The following TNFRSF18 variants were observed in gnomAD, a reference collection of about 807,000 sequenced individuals.
TNFRSF18 encodes TNF receptor superfamily member 18.
TNFRSF18 carries 36 observed loss-of-function variants against 30.2 expected under a neutral mutation model. The ratio of observed to expected loss-of-function variants is 1.19; its 90% CI spans 0.91 to 1.58. The LOEUF (loss-of-function observed/expected upper bound fraction) is 1.58, where lower values mean the gene tolerates loss of function less well. Ranked by LOEUF, TNFRSF18 falls within the 40% of genes most tolerant of loss-of-function variation. TNFRSF18 has a pLI of 0.00. For synonymous variants in TNFRSF18, 173 were observed against 158.3 expected, an observed-to-expected ratio of 1.09 and a Z score of -0.70; for missense variants, 369 against 345.4, an observed-to-expected ratio of 1.07 and a Z score of -0.54.
Position 1,206,573 on chromosome 1 carries a change from C to T in TNFRSF18, c.-2G>A. 6.7e-7 allele frequency: 1 copy of T among 1,492,130 alleles called. No individual in the cohort carries two copies. The highest frequency in any genetic ancestry group is 8.9e-7 in the Non-Finnish European group (1 of 1,126,678). The allele number at this position is 1,492,130 out of a possible 1,614,324, so 92.4% of individuals were successfully genotyped here. ...GCCCATCGCCCCGTGCTGTGCCATG[C>T]TCGGGTTTCAAGAGCCCACAGCCAG... On this transcript the variant is annotated 5_prime_UTR_variant, in exon 1 of 5. Coordinates refer to ENST00000379268, the MANE Select transcript of TNFRSF18 (RefSeq NM_004195.3).
At chr1:1,204,357 C>A in intron 3 of TNFRSF18, 42 bp downstream of exon 3, 1 of 1,606,338 alleles carries the variant, frequency 6.2e-7, no homozygotes, top group Non-Finnish European at 8.5e-7. Context: ...TCAGAGTGGG[C>A]CTGGACCACC....
At chr1:1,205,591 C>T (rs780275169) in intron 1 of TNFRSF18, 99 bp from the exon 2 acceptor site, 2 of 1,357,170 alleles carry the variant, frequency 1.5e-6, no homozygotes, top group Non-Finnish European at 2.0e-6. Context: ...TGTCCGTTCT[C>T]CACCCACAGT....
intron 1 of TNFRSF18, among the ~76,000 whole-genome samples, chr1:1,206,023 CGGT>C (rs1244170188): frequency 1.3e-5 from 2 of 152,224 alleles, no homozygotes; most frequent in Non-Finnish European, 2.9e-5. Context: ...GCAGGCCAGA[CGGT>C]GGTGCAGGGG....
chr1:1,204,514 G>A, intron 2 of TNFRSF18, 28 bp from the exon 3 acceptor site: 2 of 650,950 alleles, frequency 3.1e-6, no homozygotes, highest in Admixed American at 3.7e-5. Flanking sequence ...GGGAGGGAGG[G>A]AGGGAGGCTG....
chr1:1,205,480 C>A lies in TNFRSF18; in HGVS notation c.200G>T (p.Cys67Phe). The A allele has an allele frequency of 6.2e-7, 1 of 1,612,128 alleles. No homozygotes were observed. The highest frequency in any genetic ancestry group is 8.5e-7 in the Non-Finnish European group (1 of 1,179,532). The change falls in exon 2 of 5, where the codon TGT becomes TTT. Residue 67 changes from cysteine to phenylalanine, a missense_variant. Coordinates refer to ENST00000379268, the MANE Select transcript of TNFRSF18 (RefSeq NM_004195.3). ...GACACACATGCAGTCCCACTCGGAA[C>A]AGCACTCCTCGCCTGGGCAGGAGAC... ...CCRDYPGEEC[C>F]SEWDCMCVQP...
rs1165308668 is a variant in TNFRSF18 at position 1,206,544 on chromosome 1, A to ACG, written c.26_27dup (p.Phe10ArgfsTer158). ...AGCGCCAGGCCGCACAGGGCCCGAAACGCGCCCATCGCCCCGTGCTGTGCC... is the reference window on the plus strand; with the variant it reads ...AGCGCCAGGCCGCACAGGGCCCGAAACGCGCGCCCATCGCCCCGTGCTGTGCC... On this transcript the variant is annotated frameshift_variant, in exon 1 of 5. Coordinates refer to ENST00000379268, the MANE Select transcript of TNFRSF18 (RefSeq NM_004195.3). LOFTEE classifies it high-confidence loss of function. 1 of 1,521,982 alleles carries ACG rather than the reference A, an allele frequency of 6.6e-7. No individual in the cohort carries two copies. The highest frequency in any genetic ancestry group is 8.8e-7 in the Non-Finnish European group (1 of 1,138,146). 94.3% of individuals were successfully genotyped at this position (1,521,982 alleles called of 1,614,324 possible).
In TNFRSF18 at chr1:1,206,457, G is replaced by GGCGCCCAGGGCC; in HGVS notation, c.103_114dup (p.Gly35_Arg38dup). 6.5e-7 allele frequency: 1 copy of GGCGCCCAGGGCC among 1,546,998 alleles called. No individual in the cohort carries two copies. On this transcript the variant is annotated inframe_insertion, in exon 1 of 5. Transcript: ENST00000379268. ...GCGTCCGTTCCCGTCCCAAGCAGGA[G>GGCGCCCAGGGCC]GCGCCCAGGGCCGCACCCGGGACCC...
intron 1 of TNFRSF18, 30 bp downstream of exon 1, chr1:1,206,355 G>T (rs758454767): frequency 3.9e-6 from 6 of 1,542,524 alleles, no homozygotes; most frequent in South Asian, 1.2e-5. Flanking sequence ...GCCTTGGCCG[G>T]TCCGCGTTAA....
intron 1 of TNFRSF18, 114 bp downstream of exon 1, chr1:1,206,271 C>T (rs1305310561): frequency 8.0e-7 from 1 of 1,247,338 alleles, no homozygotes; most frequent in East Asian, 2.7e-5. Flanking sequence ...TCTGTGCCCA[C>T]CCTCCTTAGA....
rs757394186 is a variant in TNFRSF18 at position 1,203,974 on chromosome 1, G to A, written c.602-6C>T. 1.9e-6 allele frequency: 3 copies of A among 1,606,458 alleles called. No homozygotes were observed. Among genetic ancestry groups the A allele is most frequent in the Non-Finnish European group, 1.7e-6 (2 of 1,177,856 alleles). On this transcript the variant is annotated splice_region_variant and splice_polypyrimidine_tract_variant and intron_variant, in intron 4 of 4. Transcript: ENST00000379268. ...CTCCAGCAGCAGCTGGGTCTCTGCA[G>A]GGGGGCCACGGTCAGCAGGCAGCCA...
chr1:1,203,598 C>G lies in TNFRSF18; in HGVS notation c.*246G>C, dbSNP rs1321296237. ...CGGACACAGCCTCCCGTCCTAAGAC[C>G]CCACCCCATCAGGGCCAGCAAGGGA... is the stretch of plus-strand genomic sequence containing the variant. On this transcript the variant is annotated 3_prime_UTR_variant, in exon 5 of 5. Transcript: ENST00000379268. 6.6e-7 allele frequency: 1 copy of G among 1,517,410 alleles called. No individual in the cohort carries two copies. The highest frequency in any genetic ancestry group is 2.3e-5 in the East Asian group (1 of 43,992). 94.0% of individuals were successfully genotyped at this position (1,517,410 alleles called of 1,614,324 possible).
chr1:1,203,933 C>G lies in TNFRSF18; in HGVS notation c.637G>C (p.Glu213Gln). The change falls in exon 5 of 5, where the codon GAA becomes CAA. Residue 213 changes from glutamate (E) to glutamine (Q), a missense_variant. By Grantham distance (29) the Glu-to-Gln change is conservative (BLOSUM62 2). Transcript: ENST00000379268. ...GGGAACTGGCAGCTTCTGGCGTCTT[C>G]GGTCGACGGCGGCACCTCCAGCAGC... ...QLLLEVPPST[E>Q]DARSCQFPEE... 1 of 1,607,198 alleles carries G rather than the reference C, an allele frequency of 6.2e-7. No homozygotes were observed. The highest frequency in any genetic ancestry group is 8.5e-7 in the Non-Finnish European group (1 of 1,179,190).
chr1:1,203,793 G>C lies in TNFRSF18; in HGVS notation c.*51C>G, dbSNP rs770028693. 16 of 1,571,734 alleles carry C rather than the reference G, an allele frequency of 1.0e-5. No individual in the cohort carries two copies. Among genetic ancestry groups the C allele is most frequent in the African/African-American group, 2.7e-5 (2 of 74,378 alleles). The stretch of plus-strand genomic sequence containing the variant: ...ACGCAGAGCCCCTGCGGCCTGGGGA[G>C]CTCCTGGGGAGGGGCTGGCTGCGGT... On this transcript the variant is annotated 3_prime_UTR_variant, in exon 5 of 5. Transcript: ENST00000379268.
chr1:1,203,760 A>G lies in TNFRSF18; in HGVS notation c.*84T>C. On this transcript the variant is annotated 3_prime_UTR_variant, in exon 5 of 5. Transcript: ENST00000379268. ...CTGCCAGGGGAGCAGGGCCCGGCCC[A>G]GAGCAGAACGCAGAGCCCCTGCGGC... The G allele has an allele frequency of 6.4e-7, 1 of 1,562,594 alleles. No individual in the cohort carries two copies. The highest frequency in any genetic ancestry group is 8.6e-7 in the Non-Finnish European group (1 of 1,160,188).
rs1016126982 is a variant in TNFRSF18, at chr1:1,203,858, C to T, written c.712G>A (p.Asp238Asn). Residue 238 changes from aspartate (D) to asparagine (N), a missense_variant, in exon 5 of 5, where the codon GAC (aspartate) becomes AAC (asparagine). Transcript: ENST00000379268. ...GACGGCCAGGCTCACACCCACAGGTCTCCCAGCCGCCCCTTCTCCTCTGCC... is the reference window on the plus strand; with the variant it reads ...GACGGCCAGGCTCACACCCACAGGTTTCCCAGCCGCCCCTTCTCCTCTGCC... ...RSAEEKGRLG[D>N]LWV 2 of 1,595,240 alleles carry T rather than the reference C, an allele frequency of 1.3e-6. No homozygotes were observed. The highest frequency in any genetic ancestry group is 2.3e-5 in the East Asian group (1 of 44,320).
chr1:1,205,825 G>C (rs1236461993), intron 1 of TNFRSF18: 3 of 336,172 alleles, frequency 8.9e-6, no homozygotes, highest in African/African-American at 6.5e-5. Flanking sequence ...CACCTCAGAG[G>C]CCGCCTGCCT....
At chr1:1,204,890 C>T (rs1335937371) in intron 2 of TNFRSF18, among the ~76,000 whole-genome samples, 1 of 152,172 alleles carries the variant, frequency 6.6e-6, no homozygotes, top group Non-Finnish European at 1.5e-5. Context: ...CAACCTGACA[C>T]AACCTCCCCA....
chr1:1,205,731 C>G, intron 1 of TNFRSF18: 1 of 541,244 alleles, frequency 1.8e-6, no homozygotes. Context: ...TGCCCAGGTG[C>G]TAACTCCATA....
chr1:1,204,443 C>G lies in TNFRSF18; in HGVS notation c.354G>C (p.Gly118=). The change falls in exon 3 of 5, where the codon GGG becomes GGC. Residue 118 remains glycine, a synonymous_variant. Transcript: ENST00000379268. ...FGFQCIDCAS[G]TFSGGHEGHC... ...GGCCTTCGTGGCCCCCGGAGAAGGT[C>G]CCCGAGGCACAGTCGATACACTGGA... 1 of 1,612,706 alleles carries G rather than the reference C, an allele frequency of 6.2e-7. No homozygotes were observed. The highest frequency in any genetic ancestry group is 1.3e-5 in the African/African-American group (1 of 75,024).
Sources: allele counts gnomAD v4.1 joint callset (sites outside exome capture counted in the v4.1 genomes callset), GRCh38; gene constraint gnomAD v4.1.1; transcripts MANE v1.5; gene names NCBI Gene and HGNC (gene_info 2026-07-23, HGNC 2026-07-21).